The following SNAP25 variants were observed in gnomAD, a reference collection of about 807,000 sequenced individuals.
SNAP25 encodes the protein synaptosome associated protein 25, also known as synaptosomal-associated protein 25.
In SNAP25, 3 loss-of-function variants were observed where a neutral mutation model predicts 28.7. The observed-to-expected ratio is 0.10, with a 90% CI of 0.05 to 0.27. The LOEUF is 0.27. SNAP25 is among the 10% of genes least tolerant of loss of function. SNAP25 has a pLI of 1.00. For synonymous variants in SNAP25, 61 were observed against 88.1 expected (o/e 0.69, Z 1.72); for missense variants, 117 against 278.7 (o/e 0.42, Z 4.13).
intron 1 of SNAP25, among the ~76,000 whole-genome samples, chr20:10,268,103 A>G (rs1232868659): frequency 6.6e-6 from 1 of 152,236 alleles, no homozygotes; most frequent in Non-Finnish European, 1.5e-5. Flanking sequence ...CCCAACAAAG[A>G]GCAAGCCCTC....
Position 10,304,127 on chromosome 20 carries a change from G to A in SNAP25, c.553-2002G>A, listed in dbSNP as rs1448729718. ...AATTGAATAGTAAGTGATGAATAGT[G>A]TGGACTCTGACTCCAGGTTGCTAGC... On this transcript the variant is annotated intron_variant, in intron 7 of 7. Transcript: ENST00000254976. Among the ~76,000 whole-genome samples the A allele has an allele frequency of 2.0e-5, 3 of 152,314 alleles. No homozygotes were observed. In the East Asian group the frequency reaches 5.8e-4, roughly 29 times the overall value.
rs570204184 is a variant in SNAP25 at position 10,284,371 on chromosome 20, GTGAT to G, written c.115-350_115-347del. ...GAAGATTTCCAAAGGTTTGCTTTCT[GTGAT>G]TGGTGTTATAAAAACTGTAGACACG... is the stretch of plus-strand genomic sequence containing the variant. On this transcript the variant is annotated intron_variant, in intron 3 of 7. Coordinates refer to ENST00000254976, the MANE Select transcript of SNAP25 (RefSeq NM_130811.4). 1.1e-4 allele frequency among the ~76,000 whole-genome samples: 16 copies of G among 152,290 alleles called. No individual in the cohort carries two copies. In the East Asian group the frequency reaches 3.1e-3, roughly 29 times the overall value.
At chr20:10,224,609 C>T (rs2062701902) in intron 1 of SNAP25, among the ~76,000 whole-genome samples, 1 of 151,980 alleles carries the variant, frequency 6.6e-6, no homozygotes, top group South Asian at 2.1e-4. Context: ...AGTAACTGAT[C>T]TGGACCCAAT....
intron 1 of SNAP25, among the ~76,000 whole-genome samples, chr20:10,225,160 C>T (rs2062712589): frequency 6.6e-6 from 1 of 151,522 alleles, no homozygotes; most frequent in African/African-American, 2.4e-5. Flanking sequence ...GGTCAGAGGT[C>T]AGCAGTTGGT....
At chr20:10,245,874 T>G (rs2063118249) in intron 1 of SNAP25, among the ~76,000 whole-genome samples, 1 of 152,242 alleles carries the variant, frequency 6.6e-6, no homozygotes, top group Non-Finnish European at 1.5e-5. Context: ...TTGTCCCATC[T>G]TGTCACCATA....
chr20:10,269,909 C>T (rs952398433), intron 1 of SNAP25, among the ~76,000 whole-genome samples: 2 of 152,224 alleles, frequency 1.3e-5, no homozygotes, highest in African/African-American at 2.4e-5. Flanking sequence ...CCCTAACTTC[C>T]CGAAAGCCCC....
At position 10,298,907 on chromosome 20, in the gene SNAP25, T is replaced by C. The variant is rs148240945; in HGVS notation, c.408-361T>C. ...TATTCTTAGAAAGAAGAATATCGTT[T>C]CTAATTCCATCTTCGTGCTCTGACC... On this transcript the variant is annotated intron_variant, in intron 6 of 7. Transcript: ENST00000254976. Among the ~76,000 whole-genome samples, 115 of 152,324 alleles carry C rather than the reference T, an allele frequency of 7.5e-4. 1 individual carries two copies. Among genetic ancestry groups the C allele is most frequent in the South Asian group, 6.4e-3 (31 of 4,828 alleles).
At chr20:10,223,661 C>A (rs907867466) in intron 1 of SNAP25, among the ~76,000 whole-genome samples, 2 of 149,892 alleles carry the variant, frequency 1.3e-5, no homozygotes, top group Admixed American at 6.6e-5. Context: ...GATGAGGGGA[C>A]AAAAAGTTAA....
intron 3 of SNAP25, among the ~76,000 whole-genome samples, chr20:10,282,186 AG>A (rs1568614843): frequency 1.4e-5 from 2 of 146,064 alleles, no homozygotes; most frequent in Non-Finnish European, 3.0e-5. Flanking sequence ...GAAGGAAGGA[AG>A]GAAGGAAGGA....
chr20:10,221,662 T>G (rs2062636512), intron 1 of SNAP25, among the ~76,000 whole-genome samples: 1 of 152,242 alleles, frequency 6.6e-6, no homozygotes, highest in African/African-American at 2.4e-5. Context: ...CACAATTTTA[T>G]TTTTACTTTG....
At chr20:10,301,836 CCTT>C (rs2064243991) in intron 7 of SNAP25, among the ~76,000 whole-genome samples, 1 of 143,076 alleles carries the variant, frequency 7.0e-6, no homozygotes, top group Admixed American at 7.0e-5. Flanking sequence ...TAAATAATAA[CCTT>C]ATATATATAA....
At chr20:10,234,075 T>C (rs2062874455) in intron 1 of SNAP25, among the ~76,000 whole-genome samples, 1 of 152,250 alleles carries the variant, frequency 6.6e-6, no homozygotes, top group Admixed American at 6.5e-5. Context: ...CCTACATAGA[T>C]AGACTTAAGT....
In SNAP25 at chr20:10,297,010, G is replaced by C; in HGVS notation, c.367G>C (p.Glu123Gln). Residue 123 changes from glutamate to glutamine, a missense_variant, in exon 6 of 8, where the codon GAA becomes CAA. This residue lies in a region of SNAP25 where 88 missense variants were observed against 206.9 expected (regional missense o/e 0.43). Transcript: ENST00000254976. ...CAGCCAGCCTGCTCGTGTAGTGGAC[G>C]AACGGGAGCAGATGGCCATCAGTGG... ...VASQPARVVD[E>Q]REQMAISGGF... 1 of 1,611,174 alleles carries C rather than the reference G, an allele frequency of 6.2e-7. No individual in the cohort carries two copies. The highest frequency in any genetic ancestry group is 1.1e-5 in the South Asian group (1 of 90,568).
chr20:10,241,522 C>A (rs1212474738), intron 1 of SNAP25, among the ~76,000 whole-genome samples: 2 of 152,034 alleles, frequency 1.3e-5, no homozygotes, highest in African/African-American at 4.8e-5. Context: ...ATCAGTCAGA[C>A]AGATGGACAA....
rs199923797 is a variant in SNAP25 at position 10,296,917 on chromosome 20, T to C, written c.282-8T>C. The C allele has an allele frequency of 6.2e-7, 1 of 1,614,088 alleles. No homozygotes were observed. Among genetic ancestry groups the C allele is most frequent in the Non-Finnish European group, 8.5e-7 (1 of 1,179,986 alleles). On this transcript the variant is annotated splice_polypyrimidine_tract_variant and splice_region_variant and intron_variant, in intron 5 of 7. Transcript: ENST00000254976. ...TGTGCCTTGTCACTCACCCTCTCTTTTGCATAGGCTTAAATCAAGTGATGC... is the reference window on the plus strand; with the variant it reads ...TGTGCCTTGTCACTCACCCTCTCTTCTGCATAGGCTTAAATCAAGTGATGC...
chr20:10,298,021 A>G (rs1469808775), intron 6 of SNAP25, among the ~76,000 whole-genome samples: 2 of 152,020 alleles, frequency 1.3e-5, no homozygotes, highest in African/African-American at 4.8e-5. Flanking sequence ...ACATCAGCCA[A>G]TTCAGAACTC....
chr20:10,242,898 G>T (rs1189206845), intron 1 of SNAP25, among the ~76,000 whole-genome samples: 3 of 152,182 alleles, frequency 2.0e-5, no homozygotes, highest in African/African-American at 7.2e-5. Context: ...TCTACCAAAG[G>T]TATCTGATCC....
At chr20:10,289,689 A>G (rs889506219) in intron 4 of SNAP25, among the ~76,000 whole-genome samples, 2 of 148,558 alleles carry the variant, frequency 1.3e-5, no homozygotes, top group Non-Finnish European at 3.0e-5. Flanking sequence ...GCATCTTGTA[A>G]CTGGATATAC....
chr20:10,274,432 CAT>C (rs1272175171), intron 1 of SNAP25, among the ~76,000 whole-genome samples: 3 of 152,134 alleles, frequency 2.0e-5, no homozygotes, highest in Non-Finnish European at 4.4e-5. Context: ...CATGCTGCAA[CAT>C]AGATAAATCT....
Sources: gnomAD v4.1 joint callset for allele counts (sites outside exome capture counted in the v4.1 genomes callset) on GRCh38, gnomAD v4.1.1 for gene constraint, gnomAD v4.1.1 regional missense constraint, MANE v1.5 for transcripts, NCBI Gene and HGNC (gene_info 2026-07-23, HGNC 2026-07-21) for gene names.